Variants in FAM227B observed in about 807,000 individuals in gnomAD.
The protein encoded by FAM227B is protein FAM227B.
A neutral mutation model predicts 73.8 loss-of-function variants in FAM227B; 88 were observed. The observed-to-expected ratio is 1.19, with a 90% CI of 1.00 to 1.42. The LOEUF (loss-of-function observed/expected upper bound fraction) is 1.42, where lower values mean the gene tolerates loss of function less well. Among genes scored for constraint, FAM227B ranks in the 40% most tolerant of loss-of-function variants. FAM227B has a pLI of 0.00. For missense variants in FAM227B, 632 were observed against 590.9 expected, an observed-to-expected ratio of 1.07 and a Z score of -0.72; for synonymous variants, 210 against 190.5, an observed-to-expected ratio of 1.10 and a Z score of -0.84.
intron 11 of FAM227B, among the ~76,000 whole-genome samples, chr15:49,491,828 G>C (rs1470569855): frequency 6.6e-6 from 1 of 151,768 alleles, no homozygotes; most frequent in East Asian, 1.9e-4. Context: ...ATCAAGCACT[G>C]TATGATAAAT....
At chr15:49,505,919 G>T (rs1047573684) in intron 11 of FAM227B, among the ~76,000 whole-genome samples, 6 of 151,964 alleles carry the variant, frequency 3.9e-5, no homozygotes, top group African/African-American at 1.4e-4. Flanking sequence ...ATATGAACTA[G>T]TTATATGTAA....
intron 3 of FAM227B, among the ~76,000 whole-genome samples, chr15:49,605,960 T>C (rs1159717222): frequency 6.6e-6 from 1 of 152,160 alleles, no homozygotes; most frequent in Non-Finnish European, 1.5e-5. Context: ...CACAGTCCTC[T>C]TGCTGCGGTC....
intron 11 of FAM227B, among the ~76,000 whole-genome samples, chr15:49,467,978 G>A (rs976685985): frequency 6.6e-6 from 1 of 152,116 alleles, no homozygotes; most frequent in African/African-American, 2.4e-5. Flanking sequence ...TTGCACAACC[G>A]AATAGTTTGC....
At chr15:49,350,891 C>T (rs985664400) in intron 13 of FAM227B, among the ~76,000 whole-genome samples, 6 of 152,192 alleles carry the variant, frequency 3.9e-5, no homozygotes, top group African/African-American at 1.4e-4. Context: ...CTGATAGGCT[C>T]ATCCTAATCC....
chr15:49,404,899 C>T (rs1035155798), intron 11 of FAM227B, among the ~76,000 whole-genome samples: 1 of 152,030 alleles, frequency 6.6e-6, no homozygotes, highest in African/African-American at 2.4e-5. Flanking sequence ...ATGGTTTTTC[C>T]CGTCCATATT....
In FAM227B at chr15:49,589,962, A is replaced by T. The variant is rs2076424693; in HGVS notation, c.151T>A (p.Ser51Thr). The change falls in exon 4 of 16, where the codon TCA (serine) becomes ACA (threonine). Residue 51 changes from serine (S) to threonine (T), a missense_variant. Transcript: ENST00000299338. ...TCTTTTATTTTTTTCAGAGTGCATG[A>T]CCATTTATCATCATCTCTAAAATGG... ...EIHFRDDDKW[S>T]CTLKKIKEDS... 3.7e-6 allele frequency: 6 copies of T among 1,608,066 alleles called. No homozygotes were observed. The highest frequency in any genetic ancestry group is 4.3e-6 in the Non-Finnish European group (5 of 1,174,762).
At chr15:49,352,097 G>A (rs1243840973) in intron 13 of FAM227B, among the ~76,000 whole-genome samples, 2 of 152,058 alleles carry the variant, frequency 1.3e-5, no homozygotes, top group Admixed American at 1.3e-4. Flanking sequence ...TACTTGCTGT[G>A]GCTCATCCTC....
chr15:49,522,474 T>C (rs542056887), intron 10 of FAM227B, among the ~76,000 whole-genome samples: 2 of 152,094 alleles, frequency 1.3e-5, no homozygotes, highest in African/African-American at 4.8e-5. Context: ...AAATGACACA[T>C]AAAGAATTCA....
At chr15:49,428,353 C>T (rs770617332) in intron 11 of FAM227B, among the ~76,000 whole-genome samples, 6 of 151,930 alleles carry the variant, frequency 3.9e-5, no homozygotes, top group Non-Finnish European at 5.9e-5. Flanking sequence ...CCAAAGTACA[C>T]ATTCAAAATG....
intron 12 of FAM227B, among the ~76,000 whole-genome samples, chr15:49,368,366 G>A (rs8033913): frequency 0.41 from 62,932 of 151,870 alleles, 13,181 homozygotes; most frequent in African/African-American, 0.43. Flanking sequence ...CACTTACTGT[G>A]GGGAAATAAA....
At chr15:49,439,427 C>T (rs965638906) in intron 11 of FAM227B, among the ~76,000 whole-genome samples, 5 of 151,596 alleles carry the variant, frequency 3.3e-5, no homozygotes, top group East Asian at 1.9e-4. Flanking sequence ...AATAGTAAAA[C>T]GTGGGGGGAG....
intron 13 of FAM227B, among the ~76,000 whole-genome samples, chr15:49,355,745 C>T (rs1371832572): frequency 6.6e-6 from 1 of 151,324 alleles, no homozygotes; most frequent in Non-Finnish European, 1.5e-5. Flanking sequence ...GAGAACACCA[C>T]AAAGATACTC....
intron 11 of FAM227B, among the ~76,000 whole-genome samples, chr15:49,493,683 C>T (rs1454606358): frequency 1.1e-4 from 16 of 151,650 alleles, no homozygotes; most frequent in Admixed American, 1.1e-3. Context: ...ATAGGCATAC[C>T]TGTATGTCTA....
At chr15:49,503,849 A>C (rs1012765244) in intron 11 of FAM227B, among the ~76,000 whole-genome samples, 3 of 152,210 alleles carry the variant, frequency 2.0e-5, no homozygotes, top group East Asian at 1.9e-4. Flanking sequence ...TAGTTCAACC[A>C]TTGTGGAAGT....
chr15:49,594,948 T>C (rs766477580), intron 3 of FAM227B, among the ~76,000 whole-genome samples: 2 of 152,148 alleles, frequency 1.3e-5, no homozygotes, highest in Non-Finnish European at 2.9e-5. Context: ...CTGTTTTTTC[T>C]AGTTCTGTGA....
chr15:49,354,933 CT>C (rs1351298438), intron 13 of FAM227B, among the ~76,000 whole-genome samples: 6 of 152,156 alleles, frequency 3.9e-5, no homozygotes, highest in Admixed American at 1.3e-4. Flanking sequence ...TCCCTGACCC[CT>C]GACCCTCGAG....
At chr15:49,444,341 T>C (rs1597232325) in intron 11 of FAM227B, among the ~76,000 whole-genome samples, 1 of 151,710 alleles carries the variant, frequency 6.6e-6, no homozygotes, top group Admixed American at 6.6e-5. Flanking sequence ...TATGAAAAGA[T>C]TTGAAAATGC....
chr15:49,471,935 A>C (rs9972429), intron 11 of FAM227B, among the ~76,000 whole-genome samples: 49,132 of 151,726 alleles, frequency 0.32, 8,667 homozygotes, highest in African/African-American at 0.45. Context: ...GTGACAGTGA[A>C]GTTCTGGATA....
chr15:49,469,309 A>C (rs1305127847), intron 11 of FAM227B, among the ~76,000 whole-genome samples: 1 of 152,188 alleles, frequency 6.6e-6, no homozygotes, highest in Non-Finnish European at 1.5e-5. Flanking sequence ...GTCTATACAG[A>C]AAACTGCTGT....
Sources: allele counts gnomAD v4.1 joint callset (sites outside exome capture counted in the v4.1 genomes callset), GRCh38; gene constraint gnomAD v4.1.1; transcripts MANE v1.5; gene names NCBI Gene and HGNC (gene_info 2026-07-23, HGNC 2026-07-21).